The following CDC14B variants were observed in gnomAD, a reference collection of about 807,000 sequenced individuals.
CDC14B encodes the protein dual specificity protein phosphatase CDC14B.
Under a neutral mutation model 64.2 loss-of-function variants are expected in CDC14B, and 22 were observed. The ratio of observed to expected loss-of-function variants is 0.34; its 90% confidence interval spans 0.24 to 0.49. CDC14B has a LOEUF of 0.49. CDC14B is among the 20% of genes least tolerant of loss of function. The pLI, the probability that CDC14B is intolerant of heterozygous loss-of-function variation, is 0.99. For missense variants in CDC14B, 498 were observed against 629.9 expected, an observed-to-expected ratio of 0.79 and a Z score of 2.24; for synonymous variants, 191 against 215.8, an observed-to-expected ratio of 0.89 and a Z score of 1.01.
intron 7 of CDC14B, among the ~76,000 whole-genome samples, chr9:96,535,315 A>G (rs1839131942): frequency 6.6e-6 from 1 of 152,204 alleles, no homozygotes. Context: ...CTCAAAAAAC[A>G]AAAATTAAAA....
chr9:96,539,222 C>A, intron 6 of CDC14B, 82 bp from the exon 7 acceptor site: 1 of 954,750 alleles, frequency 1.0e-6, no homozygotes, highest in South Asian at 1.4e-5. Context: ...TACTAAATAT[C>A]AGGGGCCCCC....
intron 5 of CDC14B, among the ~76,000 whole-genome samples, chr9:96,545,519 T>C (rs976467276): frequency 7.9e-5 from 12 of 152,026 alleles, no homozygotes; most frequent in Non-Finnish European, 1.6e-4. Flanking sequence ...GGAGTTTCAC[T>C]GTGTTAGCCA....
Position 96,540,603 on chromosome 9 carries a change from T to TA in CDC14B, c.564+1222dup, listed in dbSNP as rs1001605058. ...ATTGACTTTGGGTGCAATACCCAATTAAAAAAAAAAAAGCCAAAAAATAAT... is the reference window on the plus strand; with the variant it reads ...ATTGACTTTGGGTGCAATACCCAATTAAAAAAAAAAAAAGCCAAAAAATAAT... On this transcript the variant is annotated intron_variant, in intron 6 of 13. Coordinates refer to ENST00000375241, the MANE Select transcript of CDC14B (RefSeq NM_033331.4). Among the ~76,000 whole-genome samples, 710 of 143,918 alleles carry TA rather than the reference T, an allele frequency of 4.9e-3. 1 individual carries two copies. The highest frequency in any genetic ancestry group is 0.011 in the Middle Eastern group (3 of 280). The allele number at this position is 143,918 out of a possible 152,430, so 94.4% of individuals were successfully genotyped here.
chr9:96,506,842 AAC>A (rs1834186990), intron 13 of CDC14B, among the ~76,000 whole-genome samples: 1 of 152,174 alleles, frequency 6.6e-6, no homozygotes, highest in African/African-American at 2.4e-5. Flanking sequence ...TAGATAGAAA[AAC>A]AGAGGCAAGG....
At chr9:96,542,570 C>A (rs1840214439) in intron 5 of CDC14B, among the ~76,000 whole-genome samples, 1 of 151,914 alleles carries the variant, frequency 6.6e-6, no homozygotes. Context: ...CTCACTGCAG[C>A]CTCAAACTCC....
rs930377700 is a variant in CDC14B, at chr9:96,502,249, C to T, written c.*1504G>A. ...GTTTGGCTGAGAACACGGCATCTTC[C>T]GTCTCTCATGATGCCGGTCAATTTT... On this transcript the variant is annotated 3_prime_UTR_variant, in exon 14 of 14. Transcript: ENST00000375241. 28 of 152,210 alleles carry T rather than the reference C, an allele frequency of 1.8e-4. No homozygotes were observed. Among genetic ancestry groups the T allele is most frequent in the African/African-American group, 6.3e-4 (26 of 41,446 alleles). 9.4% of individuals were successfully genotyped at this position (152,210 alleles called of 1,614,324 possible).
At chr9:96,537,598 T>C (rs1839460915) in intron 7 of CDC14B, among the ~76,000 whole-genome samples, 2 of 152,226 alleles carry the variant, frequency 1.3e-5, no homozygotes, top group Admixed American at 6.5e-5. Context: ...TTATCACTAC[T>C]GGAGAAGGCT....
At chr9:96,594,482 CAA>C (rs1845952030) in intron 1 of CDC14B, among the ~76,000 whole-genome samples, 4 of 152,012 alleles carry the variant, frequency 2.6e-5, no homozygotes, top group African/African-American at 9.6e-5. Flanking sequence ...TTTGGGAGGC[CAA>C]GGCAGGTGGA....
intron 1 of CDC14B, among the ~76,000 whole-genome samples, chr9:96,594,031 C>A (rs113476640): frequency 6.6e-6 from 1 of 152,036 alleles, no homozygotes; most frequent in African/African-American, 2.4e-5. Flanking sequence ...CAAGATGGAG[C>A]GACAGGAACC....
intron 2 of CDC14B, 71 bp downstream of exon 2, chr9:96,565,322 T>A: frequency 1.1e-6 from 1 of 889,894 alleles, no homozygotes; most frequent in East Asian, 2.5e-5. Context: ...TCCCAGGCCA[T>A]CCCATTTATA....
intron 4 of CDC14B, among the ~76,000 whole-genome samples, chr9:96,553,884 G>A (rs933463953): frequency 4.0e-5 from 6 of 151,846 alleles, no homozygotes; most frequent in African/African-American, 1.2e-4. Flanking sequence ...ACCTAAAACC[G>A]GAAGGGTGCG....
intron 13 of CDC14B, among the ~76,000 whole-genome samples, chr9:96,494,096 TGTC>T (rs1833157095): frequency 6.6e-6 from 1 of 152,350 alleles, no homozygotes; most frequent in South Asian, 2.1e-4. Flanking sequence ...AGCCCTGTCT[TGTC>T]GTGCCTTGTC....
At chr9:96,610,113 A>ACC (rs1847214942) in intron 1 of CDC14B, among the ~76,000 whole-genome samples, 1 of 152,110 alleles carries the variant, frequency 6.6e-6, no homozygotes, top group African/African-American at 2.4e-5. Flanking sequence ...ACACACACAC[A>ACC]CACACACCCA....
chr9:96,535,396 G>A (rs1009589381), intron 7 of CDC14B, among the ~76,000 whole-genome samples: 1 of 152,174 alleles, frequency 6.6e-6, no homozygotes, highest in African/African-American at 2.4e-5. Context: ...ATCACAGTAT[G>A]TCCCTACAAA....
chr9:96,614,095 T>C, intron 1 of CDC14B, among the ~76,000 whole-genome samples: 1 of 152,286 alleles, frequency 6.6e-6, no homozygotes, highest in African/African-American at 2.4e-5. Context: ...ACTATTATAA[T>C]ACAGACAGTC....
At chr9:96,532,767 CT>C (rs1369712662) in intron 9 of CDC14B, among the ~76,000 whole-genome samples, 1 of 152,178 alleles carries the variant, frequency 6.6e-6, no homozygotes, top group Non-Finnish European at 1.5e-5. Flanking sequence ...AATTTTTCAT[CT>C]CAGTTTTAGT....
intron 5 of CDC14B, among the ~76,000 whole-genome samples, chr9:96,547,230 C>T (rs1377922456): frequency 2.0e-5 from 3 of 151,790 alleles, no homozygotes; most frequent in South Asian, 2.1e-4. Context: ...TCTGGGAAGC[C>T]GAGGCTGGTG....
At chr9:96,547,196 G>T (rs970612528) in intron 5 of CDC14B, among the ~76,000 whole-genome samples, 3 of 152,032 alleles carry the variant, frequency 2.0e-5, no homozygotes, top group Non-Finnish European at 2.9e-5. Context: ...CAGGCACAGT[G>T]GCTCATGCCT....
At chr9:96,593,171 CA>C in intron 1 of CDC14B, among the ~76,000 whole-genome samples, 1 of 151,986 alleles carries the variant, frequency 6.6e-6, no homozygotes, top group African/African-American at 2.4e-5. Flanking sequence ...CTGAGGGACC[CA>C]AAAGAAGACT....
Sources: gnomAD v4.1 joint callset for allele counts (sites outside exome capture counted in the v4.1 genomes callset) on GRCh38, gnomAD v4.1.1 for gene constraint, MANE v1.5 for transcripts, NCBI Gene and HGNC (gene_info 2026-07-23, HGNC 2026-07-21) for gene names.